PAWR: variants seen among roughly 807,000 people sequenced by gnomAD.
PAWR encodes the protein pro-apoptotic WT1 regulator, also known as PRKC apoptosis WT1 regulator protein.
PAWR carries 23 observed loss-of-function variants against 32.0 expected under a neutral mutation model. The ratio of observed to expected loss-of-function variants is 0.72; its 90% CI spans 0.52 to 1.02. The LOEUF (loss-of-function observed/expected upper bound fraction) is 1.02, where lower values mean the gene tolerates loss of function less well. PAWR is among the 50% of genes least tolerant of loss of function. PAWR has a pLI of 0.00. For synonymous variants in PAWR, 226 were observed against 187.1 expected (o/e 1.21, Z -1.70); for missense variants, 457 against 437.7 (o/e 1.04, Z -0.39).
intron 2 of PAWR, among the ~76,000 whole-genome samples, chr12:79,638,913 T>C: frequency 1.8e-5 from 1 of 57,100 alleles, no homozygotes; most frequent in East Asian, 4.8e-4. Flanking sequence ...TTTTTTTTTT[T>C]TTTTTTTTTT....
At chr12:79,679,349 A>C (rs1255335698) in intron 2 of PAWR, among the ~76,000 whole-genome samples, 1 of 152,210 alleles carries the variant, frequency 6.6e-6, no homozygotes, top group Non-Finnish European at 1.5e-5. Context: ...AAATGGAATG[A>C]AAGAAGCTGT....
At chr12:79,641,981 T>C (rs1396203655) in intron 2 of PAWR, among the ~76,000 whole-genome samples, 2 of 150,722 alleles carry the variant, frequency 1.3e-5, no homozygotes, top group African/African-American at 2.4e-5. Flanking sequence ...AGGTGGGATA[T>C]AATGTAAAAA....
intron 2 of PAWR, among the ~76,000 whole-genome samples, chr12:79,654,215 A>T (rs1399455838): frequency 6.6e-6 from 1 of 152,196 alleles, no homozygotes; most frequent in Non-Finnish European, 1.5e-5. Context: ...TGCATTTAAG[A>T]TTTAAGTACA....
intron 2 of PAWR, among the ~76,000 whole-genome samples, chr12:79,675,656 T>C (rs969860916): frequency 3.3e-5 from 5 of 152,030 alleles, no homozygotes; most frequent in Non-Finnish European, 5.9e-5. Context: ...ATACTGCATG[T>C]TTTCAGTTAT....
intron 4 of PAWR, among the ~76,000 whole-genome samples, chr12:79,609,754 G>A (rs898024335): frequency 6.6e-6 from 1 of 152,098 alleles, no homozygotes; most frequent in Non-Finnish European, 1.5e-5. Flanking sequence ...GACACTGAAT[G>A]GGTGCAAACG....
intron 2 of PAWR, among the ~76,000 whole-genome samples, chr12:79,627,471 T>C (rs1875392950): frequency 6.6e-6 from 1 of 152,198 alleles, no homozygotes; most frequent in Non-Finnish European, 1.5e-5. Flanking sequence ...TTTGAGTTCA[T>C]TGTAGGTTCT....
intron 2 of PAWR, among the ~76,000 whole-genome samples, chr12:79,631,825 A>C (rs1031786141): frequency 6.6e-6 from 1 of 152,158 alleles, no homozygotes; most frequent in African/African-American, 2.4e-5. Context: ...ATAATCTGAA[A>C]AAACATTTTT....
intron 2 of PAWR, among the ~76,000 whole-genome samples, chr12:79,654,666 G>A (rs1024820302): frequency 2.6e-5 from 4 of 152,198 alleles, no homozygotes; most frequent in Non-Finnish European, 5.9e-5. Context: ...TGGCTGTGGA[G>A]GCCTCAGGAA....
intron 2 of PAWR, among the ~76,000 whole-genome samples, chr12:79,624,361 T>C (rs928936199): frequency 2.0e-5 from 3 of 152,164 alleles, no homozygotes; most frequent in Non-Finnish European, 4.4e-5. Context: ...CGGTAAATGT[T>C]TCATAAAACA....
intron 2 of PAWR, among the ~76,000 whole-genome samples, chr12:79,634,618 G>T (rs1875872299): frequency 6.6e-6 from 1 of 152,026 alleles, no homozygotes; most frequent in East Asian, 1.9e-4. Flanking sequence ...CTATTTGTTA[G>T]TTATGAAATC....
rs1290114380 is a variant in PAWR at position 79,589,586 on chromosome 12, A to G, written c.*3021T>C. 6.6e-6 allele frequency: 1 copy of G among 152,096 alleles called. No homozygotes were observed. The highest frequency in any genetic ancestry group is 1.5e-5 in the Non-Finnish European group (1 of 67,984). The allele number at this position is 152,096 out of a possible 1,614,324, so 9.4% of individuals were successfully genotyped here. ...TACTATATTTAGTAAATCCCTTAGTACCTATAAATACACACCCAAAAGCCC... is the reference window on the plus strand; with the variant it reads ...TACTATATTTAGTAAATCCCTTAGTGCCTATAAATACACACCCAAAAGCCC... On this transcript the variant is annotated 3_prime_UTR_variant, in exon 7 of 7. Coordinates refer to ENST00000328827, the MANE Select transcript of PAWR (RefSeq NM_002583.4).
chr12:79,602,888 G>A (rs572511843), intron 4 of PAWR, among the ~76,000 whole-genome samples: 15 of 151,254 alleles, frequency 9.9e-5, no homozygotes, highest in South Asian at 6.3e-4. Context: ...TGAAGTCATC[G>A]GAGTGAATGA....
At chr12:79,609,353 T>A (rs552955740) in intron 4 of PAWR, among the ~76,000 whole-genome samples, 1 of 152,128 alleles carries the variant, frequency 6.6e-6, no homozygotes, top group African/African-American at 2.4e-5. Context: ...AGTTGTAACA[T>A]CACATATGGA....
intron 2 of PAWR, among the ~76,000 whole-genome samples, chr12:79,663,952 A>C (rs1270522126): frequency 1.3e-5 from 2 of 152,226 alleles, no homozygotes. Context: ...ATCCAACTAC[A>C]AAGTATATGC....
At chr12:79,613,245 G>T (rs1874522340) in intron 4 of PAWR, among the ~76,000 whole-genome samples, 1 of 152,130 alleles carries the variant, frequency 6.6e-6, no homozygotes, top group Non-Finnish European at 1.5e-5. Context: ...ATAGTATTTT[G>T]TTATGGCACT....
intron 2 of PAWR, among the ~76,000 whole-genome samples, chr12:79,652,364 T>C (rs1740954660): frequency 6.6e-6 from 1 of 152,094 alleles, no homozygotes; most frequent in African/African-American, 2.4e-5. Flanking sequence ...AATATTTAAT[T>C]TACTAAGTAA....
At chr12:79,644,249 A>G (rs754776355) in intron 2 of PAWR, among the ~76,000 whole-genome samples, 1 of 152,216 alleles carries the variant, frequency 6.6e-6, no homozygotes, top group Non-Finnish European at 1.5e-5. Flanking sequence ...AAGACAGAAA[A>G]CAAAATGTCT....
At chr12:79,680,779 A>C (rs1319749416) in intron 2 of PAWR, among the ~76,000 whole-genome samples, 1 of 152,124 alleles carries the variant, frequency 6.6e-6, no homozygotes, top group Non-Finnish European at 1.5e-5. Flanking sequence ...TCAATGGCAC[A>C]AACACTTTTC....
intron 2 of PAWR, among the ~76,000 whole-genome samples, chr12:79,667,078 C>T (rs549009531): frequency 6.6e-6 from 1 of 152,288 alleles, no homozygotes; most frequent in Admixed American, 6.5e-5. Context: ...ATATGTCTCC[C>T]TAGATGTACA....
Sources: allele counts gnomAD v4.1 joint callset (sites outside exome capture counted in the v4.1 genomes callset), GRCh38; gene constraint gnomAD v4.1.1; transcripts MANE v1.5; gene names NCBI Gene and HGNC (gene_info 2026-07-23, HGNC 2026-07-21).